ZNF814: variants seen among roughly 807,000 people sequenced by gnomAD.
ZNF814 encodes zinc finger protein 814.
A neutral mutation model predicts 7.5 loss-of-function variants in ZNF814; 5 were observed. The ratio of observed to expected loss-of-function variants is 0.67; its 90% CI spans 0.35 to 1.40. The LOEUF (loss-of-function observed/expected upper bound fraction) is 1.40. ZNF814 is among the 40% of genes most tolerant of loss of function. The pLI is 0.04. For synonymous variants in ZNF814, 315 were observed against 340.7 expected, an observed-to-expected ratio of 0.92 and a Z score of 0.83; for missense variants, 962 against 1,018.0, an observed-to-expected ratio of 0.94 and a Z score of 0.75.
chr19:57,902,585 TTTTC>T, the ZNF814 span, among the ~76,000 whole-genome samples: 39,235 of 151,872 alleles, frequency 0.26, 5,118 homozygotes, highest in South Asian at 0.28. Flanking sequence ...ATGTTCTCTC[TTTTC>T]TTTCTAACAG....
the ZNF814 span, among the ~76,000 whole-genome samples, chr19:57,905,025 C>A: frequency 9.6e-6 from 1 of 103,810 alleles, no homozygotes; most frequent in East Asian, 3.1e-4. Flanking sequence ...CCAGCCTGGG[C>A]AACAAGAGTG....
chr19:57,874,699 G>A lies in ZNF814; in HGVS notation c.691C>T (p.Gln231Ter). 1 of 1,577,520 alleles carries A rather than the reference G, an allele frequency of 6.3e-7. No homozygotes were observed. The highest frequency in any genetic ancestry group is 8.6e-7 in the Non-Finnish European group (1 of 1,160,400). ...KHFSTKHILS[Q>*]HQRLLTREEC... Reference sequence around the variant, plus strand: ...TCTCTAGTGAGCAGTCTCTGGTGCTGACTGAGTATATGTTTGGTGCTAAAA... The same window carrying A: ...TCTCTAGTGAGCAGTCTCTGGTGCTAACTGAGTATATGTTTGGTGCTAAAA... The change falls in exon 3 of 3, where the codon CAG becomes TAG. Residue 231 changes from glutamine (Q) to a stop codon, truncating the protein, a stop_gained. Coordinates refer to ENST00000435989, the MANE Select transcript of ZNF814 (RefSeq NM_001144989.2). LOFTEE classifies it low-confidence loss of function (END_TRUNC).
In ZNF814 at chr19:57,873,289, ACTT is replaced by A. The variant is rs768944536; in HGVS notation, c.2098_2100del (p.Lys700del). On this transcript the variant is annotated inframe_deletion, in exon 3 of 3. Transcript: ENST00000435989. ...ATTCTCTGGTGTACAAGGAGGTGAGACTTCTTCTTAAATAATTTTCCACATTCC... is the reference window on the plus strand; with the variant it reads ...ATTCTCTGGTGTACAAGGAGGTGAGACTTCTTAAATAATTTTCCACATTCC... 6.5e-5 allele frequency: 103 copies of A among 1,592,224 alleles called. No individual in the cohort carries two copies. The highest frequency in any genetic ancestry group is 2.2e-4 in the Admixed American group (12 of 55,622).
the ZNF814 span, among the ~76,000 whole-genome samples, chr19:57,899,310 T>A: frequency 1.3e-5 from 2 of 152,234 alleles, no homozygotes; most frequent in African/African-American, 4.8e-5. Flanking sequence ...GATGATATTT[T>A]ATGTGCAGCT....
upstream of ZNF814, among the ~76,000 whole-genome samples, chr19:57,890,205 A>C (rs1371365597): frequency 3.3e-5 from 5 of 152,216 alleles, no homozygotes; most frequent in East Asian, 9.6e-4. Flanking sequence ...TGCCCAGATA[A>C]AGCCAATTTA....
chr19:57,876,147 A>C (rs1272188883), intron 2 of ZNF814, among the ~76,000 whole-genome samples: 1 of 151,728 alleles, frequency 6.6e-6, no homozygotes, highest in African/African-American at 2.4e-5. Context: ...TAGTAGAGAC[A>C]GGGTTTCACC....
the ZNF814 span, among the ~76,000 whole-genome samples, chr19:57,901,480 T>C: frequency 6.6e-6 from 1 of 152,142 alleles, no homozygotes; most frequent in Non-Finnish European, 1.5e-5. Context: ...GGAAGAGGAT[T>C]TGCTTCTGTC....
upstream of ZNF814, among the ~76,000 whole-genome samples, chr19:57,893,500 G>A (rs2071743156): frequency 6.6e-6 from 1 of 151,848 alleles, no homozygotes; most frequent in Admixed American, 6.5e-5. Flanking sequence ...CAGTTGGCTG[G>A]GTGTGGTGGC....
chr19:57,888,183 T>G (rs2071709039), intron 1 of ZNF814, among the ~76,000 whole-genome samples: 1 of 152,206 alleles, frequency 6.6e-6, no homozygotes, highest in African/African-American at 2.4e-5. Context: ...CATTTACATG[T>G]TAAGTATACT....
At chr19:57,876,013 T>C (rs2071604592) in intron 2 of ZNF814, among the ~76,000 whole-genome samples, 1 of 124,584 alleles carries the variant, frequency 8.0e-6, no homozygotes, top group Non-Finnish European at 1.6e-5. Flanking sequence ...CAGGCTGGAG[T>C]GCAGTGGTGC....
In ZNF814 at chr19:57,873,971, G is replaced by T. The variant is rs750223650; in HGVS notation, c.1419C>A (p.Phe473Leu). The change falls in exon 3 of 3, where the codon TTC becomes TTA. Residue 473 changes from phenylalanine to leucine, a missense_variant. Transcript: ENST00000435989. Reference sequence around the variant, plus strand: ...GGTGAACAAGGCTGCGCTTATGACTGAAAGATTTCACACATTCTCCACACT... The same window carrying T: ...GGTGAACAAGGCTGCGCTTATGACTTAAAGATTTCACACATTCTCCACACT... Reference protein sequence around the residue: ...PFKCGECVKSFSHKRSLVHHQ... With the variant: ...PFKCGECVKSLSHKRSLVHHQ... 6.2e-7 allele frequency: 1 copy of T among 1,613,436 alleles called. No homozygotes were observed. Among genetic ancestry groups the T allele is most frequent in the Non-Finnish European group, 8.5e-7 (1 of 1,179,854 alleles).
At chr19:57,901,008 G>A in the ZNF814 span, among the ~76,000 whole-genome samples, 29 of 151,838 alleles carry the variant, frequency 1.9e-4, no homozygotes, top group African/African-American at 2.4e-4. Context: ...CGCTGCGCCC[G>A]GCTAATTTTT....
At chr19:57,891,231 A>G (rs2071732438), upstream of ZNF814, among the ~76,000 whole-genome samples, 1 of 152,214 alleles carries the variant, frequency 6.6e-6, no homozygotes, top group Non-Finnish European at 1.5e-5. Flanking sequence ...TTAGGATATA[A>G]TCAAGAAATA....
In ZNF814 at chr19:57,874,618, T is replaced by G. The variant is rs1343854915; in HGVS notation, c.772A>C (p.Ser258Arg). ...GKSFSKYASLSNHQRVHTEKK... is the reference protein window; with the variant it reads ...GKSFSKYASLRNHQRVHTEKK... ...TCAGTGTGAACTCTCTGATGATTAC[T>G]CAAGCTAGCATATTTGCTAAAGGAC... Residue 258 changes from serine (S) to arginine (R), a missense_variant, in exon 3 of 3, where the codon AGT (serine) becomes CGT (arginine). Ser to Arg is a moderately radical substitution (Grantham distance 110). Coordinates refer to ENST00000435989, the MANE Select transcript of ZNF814 (RefSeq NM_001144989.2). The G allele has an allele frequency of 6.4e-7, 1 of 1,553,480 alleles. No individual in the cohort carries two copies. The highest frequency in any genetic ancestry group is 8.7e-7 in the Non-Finnish European group (1 of 1,147,714).
intron 2 of ZNF814, among the ~76,000 whole-genome samples, chr19:57,875,444 T>C (rs1019892273): frequency 2.0e-5 from 3 of 152,226 alleles, no homozygotes; most frequent in Admixed American, 6.5e-5. Context: ...CAACCATGTA[T>C]GTAAAACAGG....
At chr19:57,883,548 C>T (rs2071665821) in intron 1 of ZNF814, among the ~76,000 whole-genome samples, 1 of 151,146 alleles carries the variant, frequency 6.6e-6, no homozygotes, top group Non-Finnish European at 1.5e-5. Context: ...GTAGTCCCAC[C>T]TACTCGGGAG....
rs566876993 is a variant in ZNF814, at chr19:57,870,683, T to G, written c.*2139A>C. 2 of 152,298 alleles carry G rather than the reference T, an allele frequency of 1.3e-5. No individual in the cohort carries two copies. The highest frequency in any genetic ancestry group is 4.8e-5 in the African/African-American group (2 of 41,556). 9.4% of individuals were successfully genotyped at this position (152,298 alleles called of 1,614,324 possible). On this transcript the variant is annotated 3_prime_UTR_variant, in exon 3 of 3. Coordinates refer to ENST00000435989, the MANE Select transcript of ZNF814 (RefSeq NM_001144989.2). Reference sequence around the variant, plus strand: ...AGTGACTGGATCATTGTGGATGCCCTTTTAAAAGACATGCATTACGCTGCA... The same window carrying G: ...AGTGACTGGATCATTGTGGATGCCCGTTTAAAAGACATGCATTACGCTGCA...
Position 57,876,938 on chromosome 19 carries a change from G to T in ZNF814, c.141C>A (p.Asn47Lys). The change falls in exon 2 of 3, where the codon AAC (asparagine) becomes AAA (lysine). Residue 47 changes from asparagine to lysine, a missense_variant. Physicochemically the swap from Asn to Lys is moderately conservative, Grantham distance 94. Coordinates refer to ENST00000435989, the MANE Select transcript of ZNF814 (RefSeq NM_001144989.2). ...TACCCAGGGAGGATATAAGTGCCAG[G>T]TTCTCCAGCGTCACATCACGGTACA... Reference protein sequence around the residue: ...RCLYRDVTLENLALISSLGCW... With the variant: ...RCLYRDVTLEKLALISSLGCW... The T allele has an allele frequency of 6.2e-7, 1 of 1,614,094 alleles. No homozygotes were observed. Among genetic ancestry groups the T allele is most frequent in the Non-Finnish European group, 8.5e-7 (1 of 1,179,994 alleles).
intron 1 of ZNF814, among the ~76,000 whole-genome samples, chr19:57,888,365 A>G (rs2071710279): frequency 6.6e-6 from 1 of 152,150 alleles, no homozygotes; most frequent in Admixed American, 6.6e-5. Flanking sequence ...AGACACAAAC[A>G]TGCATGGACC....
Sources: gnomAD v4.1 joint callset for allele counts (sites outside exome capture counted in the v4.1 genomes callset) on GRCh38, gnomAD v4.1.1 for gene constraint, MANE v1.5 for transcripts, NCBI Gene and HGNC (gene_info 2026-07-23, HGNC 2026-07-21) for gene names.